The following GLIS1 variants were observed in gnomAD, a reference collection of about 807,000 sequenced individuals.
GLIS1 encodes the protein GLIS family zinc finger 1, also known as zinc finger protein GLIS1.
In GLIS1, 24 loss-of-function variants were observed where a neutral mutation model predicts 63.8. The ratio of observed to expected loss-of-function variants is 0.38; its 90% CI spans 0.27 to 0.53. The LOEUF is 0.53. GLIS1 is among the 20% of genes least tolerant of loss of function. The probability of loss-of-function intolerance (pLI) is 0.85; values close to 1 mark genes in which losing one functional copy is unlikely to be tolerated. For synonymous variants in GLIS1, 450 were observed against 482.5 expected, an observed-to-expected ratio of 0.93 and a Z score of 0.88; for missense variants, 1,036 against 1,074.1, an observed-to-expected ratio of 0.96 and a Z score of 0.50.
chr1:53,631,998 AG>A (rs1248621819), intron 2 of GLIS1, among the ~76,000 whole-genome samples: 1 of 151,526 alleles, frequency 6.6e-6, no homozygotes, highest in African/African-American at 2.4e-5. Flanking sequence ...AGTGTGACTA[AG>A]GGGCGTGTGA....
chr1:53,662,810 A>G (rs1646043429), intron 2 of GLIS1, among the ~76,000 whole-genome samples: 1 of 152,210 alleles, frequency 6.6e-6, no homozygotes, highest in African/African-American at 2.4e-5. Context: ...TAATAGTGAC[A>G]ACTAATGCTT....
intron 4 of GLIS1, among the ~76,000 whole-genome samples, chr1:53,559,264 A>G (rs1644861716): frequency 6.6e-6 from 1 of 152,144 alleles, no homozygotes; most frequent in Non-Finnish European, 1.5e-5. Flanking sequence ...TCAGACCCTG[A>G]CCTGGCAAAG....
intron 4 of GLIS1, among the ~76,000 whole-genome samples, chr1:53,554,149 C>G (rs904227893): frequency 6.6e-6 from 1 of 152,188 alleles, no homozygotes; most frequent in Non-Finnish European, 1.5e-5. Context: ...TGACCACAGC[C>G]CCTTCTGTCA....
At chr1:53,523,436 C>T (rs1644432013) in intron 6 of GLIS1, among the ~76,000 whole-genome samples, 1 of 152,172 alleles carries the variant, frequency 6.6e-6, no homozygotes, top group Non-Finnish European at 1.5e-5. Context: ...GCCTGCAGGC[C>T]TCTGCTGTTT....
intron 2 of GLIS1, among the ~76,000 whole-genome samples, chr1:53,706,471 G>C (rs1029523489): frequency 2.0e-5 from 3 of 152,240 alleles, no homozygotes; most frequent in Admixed American, 2.0e-4. Flanking sequence ...TAGGTCCCTA[G>C]ATGGGAAGTG....
chr1:53,642,428 C>G (rs1428129992), intron 2 of GLIS1, among the ~76,000 whole-genome samples: 1 of 152,150 alleles, frequency 6.6e-6, no homozygotes, highest in African/African-American at 2.4e-5. Context: ...AACGATAAGG[C>G]CTTCCACCTC....
chr1:53,535,938 G>A (rs899782328), intron 4 of GLIS1, among the ~76,000 whole-genome samples: 10 of 151,908 alleles, frequency 6.6e-5, no homozygotes, highest in African/African-American at 2.2e-4. Context: ...TCCAACCCCC[G>A]TACCCACACC....
chr1:53,524,943 G>A (rs964821640), intron 5 of GLIS1, 56 bp from the exon 6 acceptor site: 40 of 1,308,120 alleles, frequency 3.1e-5, no homozygotes, highest in Non-Finnish European at 3.9e-5. Flanking sequence ...CGGGACACGC[G>A]CCTCCGCGTG....
At chr1:53,523,210 C>T (rs1320563710) in intron 6 of GLIS1, among the ~76,000 whole-genome samples, 2 of 152,070 alleles carry the variant, frequency 1.3e-5, no homozygotes, top group African/African-American at 4.8e-5. Flanking sequence ...CCTCAGGGAA[C>T]ATGGAGGTGG....
chr1:53,589,402 C>T (rs906170748), intron 4 of GLIS1, among the ~76,000 whole-genome samples: 4 of 152,174 alleles, frequency 2.6e-5, no homozygotes, highest in Non-Finnish European at 4.4e-5. Context: ...TTCTCAGGGG[C>T]TGGCGGAGGG....
chr1:53,514,749 C>A lies in GLIS1; in HGVS notation c.1759G>T (p.Gly587Ter). ...VYPGSITPHNGLASGLLPPAH... is the reference protein window; with the variant it reads ...VYPGSITPHN ...GGGGGCAGGAGGCCCGATGCAAGTC[C>A]GTTATGGGGGGTGATGGAGCCAGGA... The change falls in exon 8 of 11, where the codon GGA becomes TGA. Residue 587 changes from glycine to a stop codon, truncating the protein, a stop_gained. Transcript: ENST00000628545. LOFTEE classifies it high-confidence loss of function. 1 of 1,607,474 alleles carries A rather than the reference C, an allele frequency of 6.2e-7. No homozygotes were observed. The highest frequency in any genetic ancestry group is 8.5e-7 in the Non-Finnish European group (1 of 1,176,962).
intron 2 of GLIS1, among the ~76,000 whole-genome samples, chr1:53,702,042 C>T (rs1044347179): frequency 2.7e-5 from 4 of 150,142 alleles, no homozygotes; most frequent in African/African-American, 9.8e-5. Context: ...GCTTCCTCCA[C>T]AGTCAGCCCA....
At chr1:53,534,722 G>A (rs576588910) in intron 4 of GLIS1, among the ~76,000 whole-genome samples, 20 of 148,156 alleles carry the variant, frequency 1.3e-4, no homozygotes, top group African/African-American at 4.3e-4. Flanking sequence ...GCACTTCTGC[G>A]AGTCACTCAC....
intron 2 of GLIS1, among the ~76,000 whole-genome samples, chr1:53,689,077 T>A (rs1048863858): frequency 6.6e-5 from 10 of 152,206 alleles, no homozygotes; most frequent in African/African-American, 2.4e-4. Context: ...TTCTCTCAGG[T>A]CGTTTGATGG....
At chr1:53,705,036 T>C (rs754124280) in intron 2 of GLIS1, among the ~76,000 whole-genome samples, 1 of 152,162 alleles carries the variant, frequency 6.6e-6, no homozygotes, top group Non-Finnish European at 1.5e-5. Flanking sequence ...CCCCAACACG[T>C]ACCTAACAGC....
intron 2 of GLIS1, among the ~76,000 whole-genome samples, chr1:53,656,021 C>T (rs1182781068): frequency 2.0e-5 from 3 of 152,222 alleles, no homozygotes; most frequent in Non-Finnish European, 4.4e-5. Context: ...TGGCCAGTGG[C>T]CTCTCCCCAT....
At chr1:53,606,798 G>A (rs4927015) in intron 2 of GLIS1, among the ~76,000 whole-genome samples, 79,461 of 152,114 alleles carry the variant, frequency 0.52, 21,844 homozygotes, top group Admixed American at 0.64. Context: ...GCGGCCTCAC[G>A]CCGGGCTTCT....
chr1:53,594,234 C>G lies in GLIS1; in HGVS notation c.1194G>C (p.Gln398His), dbSNP rs1206840259. The G allele has an allele frequency of 6.2e-7, 1 of 1,613,926 alleles. No homozygotes were observed. The highest frequency in any genetic ancestry group is 1.1e-5 in the South Asian group (1 of 91,092). ...VRHIEKSHID[Q>H]RKGEDFTCFW... ...AGCAGGTGAAGTCCTCGCCCTTGCG[C>G]TGGTCGATGTGGCTCTTCTCGATGT... Residue 398 changes from glutamine (Q) to histidine (H), a missense_variant, in exon 4 of 11, where the codon CAG becomes CAC. By Grantham distance (24) the Gln-to-His change is conservative. This residue lies in a region of GLIS1 where 592 missense variants were observed against 593.9 expected (regional missense o/e 1.00). Coordinates refer to ENST00000628545, the MANE Select transcript of GLIS1 (RefSeq NM_001367484.1).
intron 2 of GLIS1, among the ~76,000 whole-genome samples, chr1:53,603,363 T>C (rs754009616): frequency 1.3e-5 from 2 of 152,210 alleles, no homozygotes; most frequent in Non-Finnish European, 2.9e-5. Context: ...ATTGCTGGCA[T>C]AGTCGTGGCC....
Sources: gnomAD v4.1 joint callset for allele counts (sites outside exome capture counted in the v4.1 genomes callset) on GRCh38, gnomAD v4.1.1 for gene constraint, gnomAD v4.1.1 regional missense constraint, MANE v1.5 for transcripts, NCBI Gene and HGNC (gene_info 2026-07-23, HGNC 2026-07-21) for gene names.